The following MSI2 variants were observed in gnomAD, a reference collection of about 807,000 sequenced individuals.
The protein encoded by MSI2 is musashi RNA binding protein 2.
In MSI2, 17 loss-of-function variants were observed where a neutral mutation model predicts 45.6. The ratio of observed to expected loss-of-function variants is 0.37; its 90% CI spans 0.26 to 0.56. The LOEUF (loss-of-function observed/expected upper bound fraction) is 0.56. Among genes scored for constraint, MSI2 ranks in the 20% least tolerant of loss-of-function variants. MSI2 has a pLI of 0.77. For synonymous variants in MSI2, 156 were observed against 158.2 expected (o/e 0.99, Z 0.11); for missense variants, 293 against 444.2 (o/e 0.66, Z 3.06).
At chr17:57,578,450 G>A (rs897590437) in intron 7 of MSI2, among the ~76,000 whole-genome samples, 1 of 151,950 alleles carries the variant, frequency 6.6e-6, no homozygotes, top group Non-Finnish European at 1.5e-5. Context: ...TACTGGCCTT[G>A]CCTTTCTGCT....
intron 7 of MSI2, among the ~76,000 whole-genome samples, chr17:57,575,742 G>A (rs1157870445): frequency 6.6e-6 from 1 of 151,664 alleles, no homozygotes; most frequent in Non-Finnish European, 1.5e-5. Context: ...TCAGGAGATC[G>A]AGACCATCCT....
intron 5 of MSI2, among the ~76,000 whole-genome samples, chr17:57,331,608 C>T (rs1171599905): frequency 6.6e-6 from 1 of 152,176 alleles, no homozygotes; most frequent in Non-Finnish European, 1.5e-5. Flanking sequence ...GCAGTATAGA[C>T]GTGCATGGAA....
At chr17:57,605,807 T>G (rs1333879973) in intron 8 of MSI2, among the ~76,000 whole-genome samples, 1 of 152,242 alleles carries the variant, frequency 6.6e-6, no homozygotes, top group East Asian at 1.9e-4. Flanking sequence ...AAGCCATACC[T>G]TTTATTTTCT....
At chr17:57,286,876 C>T (rs569343413) in intron 5 of MSI2, among the ~76,000 whole-genome samples, 4 of 152,214 alleles carry the variant, frequency 2.6e-5, no homozygotes, top group African/African-American at 7.2e-5. Context: ...GAGGAGATGG[C>T]AGTCTGGCTC....
Position 57,280,173 on chromosome 17 carries a change from G to C in MSI2, c.312+17981G>C, listed in dbSNP as rs544786943. On this transcript the variant is annotated intron_variant, in intron 5 of 13. Transcript: ENST00000284073. This position sits in a 1 kb window ranked among gnomAD's most constrained non-coding sequence, Gnocchi z 4.2. Reference sequence around the variant, plus strand: ...AATGCAGAGAGTGAGGAGGACAGGGGGACAGGCGAGGTCACACTTGCGTTG... The same window carrying C: ...AATGCAGAGAGTGAGGAGGACAGGGCGACAGGCGAGGTCACACTTGCGTTG... Among the ~76,000 whole-genome samples the C allele has an allele frequency of 1.1e-4, 17 of 152,084 alleles. No homozygotes were observed. Among genetic ancestry groups the C allele is most frequent in the Admixed American group, 5.2e-4 (8 of 15,278 alleles).
chr17:57,510,752 G>A lies in MSI2; in HGVS notation c.406-18924G>A, dbSNP rs895580873. ...CTCCTCTTGGTTTTAAAAGCCATGC[G>A]AGTTCTAAAGTCTGCTGGAGCTGGC... On this transcript the variant is annotated intron_variant, in intron 6 of 13. Coordinates refer to ENST00000284073, the MANE Select transcript of MSI2 (RefSeq NM_138962.4). Among the ~76,000 whole-genome samples the A allele has an allele frequency of 5.3e-5, 8 of 152,204 alleles. No individual in the cohort carries two copies. The South Asian group carries it at 6.2e-4, about 12-fold the overall frequency.
intron 5 of MSI2, among the ~76,000 whole-genome samples, chr17:57,284,350 C>T (rs551975981): frequency 1.3e-5 from 2 of 152,078 alleles, no homozygotes; most frequent in Admixed American, 1.3e-4. Flanking sequence ...CACCCCGAAA[C>T]GTTTGTAGTA....
intron 5 of MSI2, chr17:57,266,400 C>T (rs1272993564): frequency 2.0e-5 from 3 of 152,138 alleles, no homozygotes; most frequent in African/African-American, 4.8e-5. Context: ...CTCACTCTGT[C>T]GCCCAGGCTG....
intron 7 of MSI2, among the ~76,000 whole-genome samples, chr17:57,558,979 T>C (rs1456702686): frequency 6.6e-6 from 1 of 152,050 alleles, no homozygotes; most frequent in Non-Finnish European, 1.5e-5. Flanking sequence ...GGAGAATCAC[T>C]TGAACCCAGG....
chr17:57,693,207 G>C, the MSI2 span, among the ~76,000 whole-genome samples: 1 of 150,530 alleles, frequency 6.6e-6, no homozygotes, highest in Non-Finnish European at 1.5e-5. Context: ...TTTTGAGACA[G>C]AATTTCACTC....
intron 7 of MSI2, among the ~76,000 whole-genome samples, chr17:57,577,976 A>G (rs968223714): frequency 6.6e-6 from 1 of 152,188 alleles, no homozygotes; most frequent in Non-Finnish European, 1.5e-5. Flanking sequence ...CCAAGTGTTC[A>G]GCAAAGTGAA....
intron 5 of MSI2, among the ~76,000 whole-genome samples, chr17:57,373,265 T>TC (rs71139989): frequency 0.084 from 12,708 of 151,552 alleles, 657 homozygotes; most frequent in Non-Finnish European, 0.12. Flanking sequence ...TGTGTTAAGA[T>TC]CCTGGGAGAT....
At chr17:57,304,526 G>A (rs974853020) in intron 5 of MSI2, among the ~76,000 whole-genome samples, 12 of 149,236 alleles carry the variant, frequency 8.0e-5, no homozygotes, top group Admixed American at 1.3e-4. Flanking sequence ...CGGTTCAAGC[G>A]ATTCTCCTGC....
intron 6 of MSI2, among the ~76,000 whole-genome samples, chr17:57,414,424 T>G (rs2084255263): frequency 6.6e-6 from 1 of 151,946 alleles, no homozygotes; most frequent in Non-Finnish European, 1.5e-5. Context: ...AGTTTCACTC[T>G]TGTTGCCCAA....
At chr17:57,563,590 G>A (rs2087641316) in intron 7 of MSI2, among the ~76,000 whole-genome samples, 2 of 152,106 alleles carry the variant, frequency 1.3e-5, no homozygotes, top group Non-Finnish European at 2.9e-5. Context: ...ATTGGATAAA[G>A]CACAATCCAT....
chr17:57,368,266 T>G (rs1381996343), intron 5 of MSI2, among the ~76,000 whole-genome samples: 1 of 152,182 alleles, frequency 6.6e-6, no homozygotes, highest in African/African-American at 2.4e-5. Context: ...TGTCTCAATT[T>G]TGGCTGAGCG....
At chr17:57,390,487 A>G (rs2083770194) in intron 5 of MSI2, among the ~76,000 whole-genome samples, 1 of 152,250 alleles carries the variant, frequency 6.6e-6, no homozygotes, top group African/African-American at 2.4e-5. Context: ...GCCAGAATTG[A>G]GAACCTCTGC....
chr17:57,641,958 T>G (rs2144654891), intron 10 of MSI2, among the ~76,000 whole-genome samples: 1 of 152,334 alleles, frequency 6.6e-6, no homozygotes, highest in East Asian at 1.9e-4. Flanking sequence ...CCAAGTGTCC[T>G]TGTAGGGCTG....
chr17:57,521,849 T>C (rs935835459), intron 6 of MSI2, among the ~76,000 whole-genome samples: 9 of 152,162 alleles, frequency 5.9e-5, no homozygotes, highest in Admixed American at 2.0e-4. Flanking sequence ...AAATCACTGA[T>C]GTAGATTTCA....
Sources: gnomAD v4.1 joint callset for allele counts (sites outside exome capture counted in the v4.1 genomes callset) on GRCh38, gnomAD v4.1.1 for gene constraint, Gnocchi (gnomAD v3.1) non-coding constraint, MANE v1.5 for transcripts, NCBI Gene and HGNC (gene_info 2026-07-23, HGNC 2026-07-21) for gene names.